The following COL21A1 variants were observed in gnomAD, a reference collection of about 807,000 sequenced individuals.
The protein encoded by COL21A1 is collagen type XXI alpha 1 chain, also known as collagen alpha-1(XXI) chain.
Under a neutral mutation model 137.9 loss-of-function variants are expected in COL21A1, and 149 were observed. The ratio of observed to expected loss-of-function variants is 1.08; its 90% CI spans 0.95 to 1.24. COL21A1 has a LOEUF of 1.24. Among genes scored for constraint, COL21A1 ranks in the 50% most tolerant of loss-of-function variants. The pLI is 0.00. For synonymous variants in COL21A1, 456 were observed against 391.5 expected, an observed-to-expected ratio of 1.16 and a Z score of -1.95; for missense variants, 1,167 against 1,158.4, an observed-to-expected ratio of 1.01 and a Z score of -0.11.
intron 21 of COL21A1, among the ~76,000 whole-genome samples, chr6:56,069,948 AGG>A (rs1351321274): frequency 1.3e-5 from 2 of 151,502 alleles, no homozygotes; most frequent in Non-Finnish European, 3.0e-5. Flanking sequence ...TTTTCAGTAC[AGG>A]GTGTATTACA....
At chr6:56,071,604 A>C (rs966686005) in intron 20 of COL21A1, among the ~76,000 whole-genome samples, 4 of 151,570 alleles carry the variant, frequency 2.6e-5, no homozygotes, top group Non-Finnish European at 5.9e-5. Context: ...CTTTTAAAAA[A>C]GTTTTGTAGG....
At chr6:56,365,363 C>A (rs1766072407) in intron 1 of COL21A1, among the ~76,000 whole-genome samples, 1 of 152,130 alleles carries the variant, frequency 6.6e-6, no homozygotes, top group Admixed American at 6.5e-5. Context: ...GGAAGAAAAG[C>A]AGACCTGTGT....
At chr6:56,239,937 T>C (rs1782171187) in intron 1 of COL21A1, among the ~76,000 whole-genome samples, 1 of 152,152 alleles carries the variant, frequency 6.6e-6, no homozygotes. Context: ...TCCAATGTGT[T>C]GTGAGAGGGA....
chr6:56,161,041 G>A (rs918888488), intron 9 of COL21A1, among the ~76,000 whole-genome samples: 3 of 152,034 alleles, frequency 2.0e-5, no homozygotes, highest in African/African-American at 7.2e-5. Context: ...ACTCTACTCA[G>A]TCTGAAAAAT....
At chr6:56,387,877 G>A (rs1031937799) in intron 1 of COL21A1, among the ~76,000 whole-genome samples, 3 of 152,164 alleles carry the variant, frequency 2.0e-5, no homozygotes, top group African/African-American at 4.8e-5. Context: ...AAGCCTTAGT[G>A]CTGACCTGGT....
chr6:56,205,465 C>T (rs367791606), intron 1 of COL21A1, among the ~76,000 whole-genome samples: 2 of 152,062 alleles, frequency 1.3e-5, no homozygotes, highest in African/African-American at 4.8e-5. Flanking sequence ...AATAAAGCCT[C>T]CAAGAAATAT....
chr6:56,369,065 A>G (rs1766165036), intron 1 of COL21A1, among the ~76,000 whole-genome samples: 1 of 152,184 alleles, frequency 6.6e-6, no homozygotes, highest in South Asian at 2.1e-4. Context: ...CTAAGTATGA[A>G]TCCAGAGTAT....
At chr6:56,268,144 A>G (rs1321023601) in intron 1 of COL21A1, among the ~76,000 whole-genome samples, 2 of 152,168 alleles carry the variant, frequency 1.3e-5, no homozygotes, top group Non-Finnish European at 2.9e-5. Flanking sequence ...GCAGGGGAGG[A>G]GCCCACACTC....
chr6:56,170,459 T>C (rs545865780), intron 5 of COL21A1, among the ~76,000 whole-genome samples, 190 bp downstream of exon 5: 1 of 152,098 alleles, frequency 6.6e-6, no homozygotes, highest in South Asian at 2.1e-4. Context: ...CCTCAGCATT[T>C]GTCCCCATAT....
At position 56,141,922 on chromosome 6, in the gene COL21A1, T is replaced by A; in HGVS notation, c.1488+8A>T. On this transcript the variant is annotated splice_region_variant and intron_variant, in intron 11 of 29. Coordinates refer to ENST00000244728, the MANE Select transcript of COL21A1 (RefSeq NM_030820.4). The stretch of plus-strand genomic sequence containing the variant: ...AATTTATAAAATGTATATAAGTGGA[T>A]CACATACTTGTATTCCTGGAGATCC... 6.4e-7 allele frequency: 1 copy of A among 1,557,922 alleles called. No homozygotes were observed. The highest frequency in any genetic ancestry group is 8.7e-7 in the Non-Finnish European group (1 of 1,148,492).
At chr6:56,253,310 G>T (rs769071964) in intron 1 of COL21A1, among the ~76,000 whole-genome samples, 2 of 151,220 alleles carry the variant, frequency 1.3e-5, no homozygotes, top group Admixed American at 1.3e-4. Flanking sequence ...AACATCACTG[G>T]GACATTCAAC....
At chr6:56,330,963 C>T (rs577564721) in intron 1 of COL21A1, among the ~76,000 whole-genome samples, 2 of 152,042 alleles carry the variant, frequency 1.3e-5, no homozygotes, top group East Asian at 1.9e-4. Flanking sequence ...CATCTGTTGT[C>T]ATCTGACTTT....
chr6:56,260,677 A>C (rs370052129), intron 1 of COL21A1, among the ~76,000 whole-genome samples: 56 of 121,758 alleles, frequency 4.6e-4, no homozygotes, highest in African/African-American at 7.7e-4. Context: ...GGAAGGAAGG[A>C]AGGAAGGAAG....
At chr6:56,268,071 C>A (rs1409618981) in intron 1 of COL21A1, among the ~76,000 whole-genome samples, 1 of 152,112 alleles carries the variant, frequency 6.6e-6, no homozygotes, top group Non-Finnish European at 1.5e-5. Flanking sequence ...TTCCCAGTAT[C>A]CCAAAGCTAC....
chr6:56,225,609 G>A (rs1781135611), intron 1 of COL21A1, among the ~76,000 whole-genome samples: 2 of 151,962 alleles, frequency 1.3e-5, no homozygotes, highest in Admixed American at 6.6e-5. Context: ...GGTACTCAAT[G>A]AAAAATAATC....
chr6:56,382,298 A>T (rs2094009933), intron 1 of COL21A1, among the ~76,000 whole-genome samples: 1 of 152,224 alleles, frequency 6.6e-6, no homozygotes, highest in Non-Finnish European at 1.5e-5. Context: ...TAAAAACAAA[A>T]GCACTGTACT....
At chr6:56,258,292 G>A (rs1018870094) in intron 1 of COL21A1, among the ~76,000 whole-genome samples, 32 of 151,908 alleles carry the variant, frequency 2.1e-4, no homozygotes, top group African/African-American at 7.7e-4. Flanking sequence ...TTAGACTTTA[G>A]CCCCAAAGTC....
intron 1 of COL21A1, among the ~76,000 whole-genome samples, chr6:56,283,514 C>T (rs970019304): frequency 1.4e-4 from 22 of 152,122 alleles, no homozygotes; most frequent in African/African-American, 5.3e-4. Context: ...AATTCTTATT[C>T]TCTTCTTCAA....
Position 56,060,979 on chromosome 6 carries a change from CCA to C in COL21A1, c.2262_2263del (p.Val756GlyfsTer10). 1 of 1,608,536 alleles carries C rather than the reference CCA, an allele frequency of 6.2e-7. No homozygotes were observed. Among genetic ancestry groups the C allele is most frequent in the East Asian group, 2.3e-5 (1 of 44,228 alleles). ...TGCGGGCCCCATCAAGCCATCCACC[CCA>C]GATTCTCCTTTTGATCCAATGGCAC... On this transcript the variant is annotated frameshift_variant, in exon 26 of 30. Transcript: ENST00000244728. LOFTEE classifies it high-confidence loss of function.
Sources: gnomAD v4.1 joint callset for allele counts (sites outside exome capture counted in the v4.1 genomes callset) on GRCh38, gnomAD v4.1.1 for gene constraint, MANE v1.5 for transcripts, NCBI Gene and HGNC (gene_info 2026-07-23, HGNC 2026-07-21) for gene names.